Variants in ACTN2 observed in about 807,000 individuals in gnomAD.
ACTN2 encodes the protein alpha-actinin-2.
Under a neutral mutation model 113.8 loss-of-function variants are expected in ACTN2, and 39 were observed. That is an observed-to-expected ratio of 0.34 (90% CI 0.27 to 0.45). The LOEUF (loss-of-function observed/expected upper bound fraction) is 0.45, where lower values mean the gene tolerates loss of function less well. ACTN2 is among the 20% of genes least tolerant of loss of function. The pLI is 1.00. For missense variants in ACTN2, 992 were observed against 1,177.9 expected, an observed-to-expected ratio of 0.84 and a Z score of 2.31; for synonymous variants, 429 against 444.1, an observed-to-expected ratio of 0.97 and a Z score of 0.43.
chr1:236,761,294 C>T, intron 20 of ACTN2, 121 bp downstream of exon 20: 1 of 1,188,782 alleles, frequency 8.4e-7, no homozygotes, highest in Non-Finnish European at 1.2e-6. Flanking sequence ...ACAACATTGG[C>T]ACTGATTTCA....
At chr1:236,693,572 G>C (rs1041741649) in intron 1 of ACTN2, among the ~76,000 whole-genome samples, 3 of 152,140 alleles carry the variant, frequency 2.0e-5, no homozygotes, top group African/African-American at 7.2e-5. Flanking sequence ...AGAAACCCGA[G>C]TGTTACCCTT....
chr1:236,709,276 ATATG>A (rs1201644794), intron 1 of ACTN2, among the ~76,000 whole-genome samples: 1 of 139,072 alleles, frequency 7.2e-6, no homozygotes, highest in African/African-American at 2.7e-5. Flanking sequence ...ACACACATAT[ATATG>A]TATATATATG....
At chr1:236,743,765 C>T (rs1659143462) in intron 11 of ACTN2, among the ~76,000 whole-genome samples, 1 of 152,106 alleles carries the variant, frequency 6.6e-6, no homozygotes, top group Admixed American at 6.6e-5. Context: ...GAAGCTGGAG[C>T]CAGGTGGGTT....
chr1:236,739,586 C>G, intron 10 of ACTN2, 54 bp downstream of exon 10: 2 of 1,591,042 alleles, frequency 1.3e-6, no homozygotes, highest in Admixed American at 3.6e-5. Context: ...TCCTTCTAGC[C>G]TAAAGGCGTT....
chr1:236,748,523 C>T (rs79593510), intron 13 of ACTN2, among the ~76,000 whole-genome samples: 4,568 of 152,266 alleles, frequency 0.03, 91 homozygotes, highest in Middle Eastern at 0.054. Context: ...ATGCCTTCCC[C>T]TTCTGCCCCC....
intron 11 of ACTN2, 152 bp downstream of exon 11, chr1:236,743,195 T>A (rs919414198): frequency 1.0e-6 from 1 of 978,460 alleles, no homozygotes; most frequent in African/African-American, 1.6e-5. Flanking sequence ...AGTGCCAAAT[T>A]TATTTAAGAG....
rs140714394 is a variant in ACTN2 at position 236,735,076 on chromosome 1, T to C, written c.698-559T>C. ...ATTTCTATAAGCGGTATGGTAAGTA[T>C]GTATTGAAGTTATTAAAAGAGCTGC... On this transcript the variant is annotated intron_variant, in intron 7 of 20. Transcript: ENST00000366578. Among the ~76,000 whole-genome samples the C allele has an allele frequency of 4.8e-3, 734 of 152,338 alleles. 5 individuals are homozygous for C. The highest frequency in any genetic ancestry group is 5.7e-3 in the Non-Finnish European group (389 of 68,030).
intron 9 of ACTN2, among the ~76,000 whole-genome samples, chr1:236,737,532 C>T (rs888931907): frequency 1.8e-4 from 24 of 130,670 alleles, no homozygotes; most frequent in East Asian, 1.8e-3. Flanking sequence ...CACCCCTAGA[C>T]GACCTTGGGT....
Position 236,760,667 on chromosome 1 carries a change from C to T in ACTN2, c.2368-348C>T, listed in dbSNP as rs528595951. 8.5e-5 allele frequency among the ~76,000 whole-genome samples: 13 copies of T among 152,316 alleles called. No individual in the cohort carries two copies. In the South Asian group the frequency reaches 2.3e-3, roughly 27 times the overall value. On this transcript the variant is annotated intron_variant, in intron 19 of 20. Coordinates refer to ENST00000366578, the MANE Select transcript of ACTN2 (RefSeq NM_001103.4). ...TGAGCTGCCTTCAGTTTGGCAGCAT[C>T]GCTTTCCTAGTTGTAATCTGAGGAA... is the stretch of plus-strand genomic sequence containing the variant.
chr1:236,718,012 T>G, intron 2 of ACTN2, 40 bp downstream of exon 2: 2 of 1,466,576 alleles, frequency 1.4e-6, no homozygotes, highest in Non-Finnish European at 1.9e-6. Context: ...TCATGTGTTA[T>G]CAGTAGGTGA....
chr1:236,727,768 T>G lies in ACTN2; in HGVS notation c.615+12T>G. The G allele has an allele frequency of 1.2e-6, 2 of 1,613,436 alleles. No individual in the cohort carries two copies. The highest frequency in any genetic ancestry group is 1.7e-6 in the Non-Finnish European group (2 of 1,179,796). ...CAAAGCTTAACAAGGTTATTCTGGG[T>G]GGCCTGGCATGCAGTGTCCCCAGCC... On this transcript the variant is annotated intron_variant, in intron 6 of 20. Transcript: ENST00000366578.
At chr1:236,730,146 C>T (rs148365435) in intron 6 of ACTN2, among the ~76,000 whole-genome samples, 26 of 152,244 alleles carry the variant, frequency 1.7e-4, no homozygotes, top group African/African-American at 5.8e-4. Flanking sequence ...GCCACATGGC[C>T]GATAGCTGAG....
chr1:236,760,202 C>T (rs941736569), intron 19 of ACTN2, among the ~76,000 whole-genome samples: 9 of 151,544 alleles, frequency 5.9e-5, no homozygotes, highest in Non-Finnish European at 8.8e-5. Context: ...GCTGAGATTG[C>T]ACCACTGCAC....
At position 236,719,484 on chromosome 1, in the gene ACTN2, T is replaced by C. The variant is rs537247590; in HGVS notation, c.361+471T>C. Among the ~76,000 whole-genome samples the C allele has an allele frequency of 2.7e-4, 41 of 152,336 alleles. 1 individual carries two copies. Among genetic ancestry groups the C allele is most frequent in the Admixed American group, 2.1e-3 (32 of 15,302 alleles). On this transcript the variant is annotated intron_variant, in intron 3 of 20. Transcript: ENST00000366578. ...TAAAGATGAGACTGTGTTCTCTTTA[T>C]TTGATTATTTAAAACTTTAGCTCAT...
At chr1:236,757,812 A>G (rs1469899803) in intron 18 of ACTN2, among the ~76,000 whole-genome samples, 180 bp downstream of exon 18, 3 of 152,256 alleles carry the variant, frequency 2.0e-5, no homozygotes, top group African/African-American at 7.2e-5. Context: ...ATGTTGCTCA[A>G]GGTGACACAA....
intron 1 of ACTN2, among the ~76,000 whole-genome samples, chr1:236,712,228 G>A (rs758511948): frequency 2.0e-5 from 3 of 152,120 alleles, no homozygotes; most frequent in Non-Finnish European, 4.4e-5. Flanking sequence ...GGGGTGATAG[G>A]GGATGCGTAG....
chr1:236,727,294 C>T (rs1191679062), intron 5 of ACTN2, among the ~76,000 whole-genome samples: 1 of 152,138 alleles, frequency 6.6e-6, no homozygotes, highest in Non-Finnish European at 1.5e-5. Context: ...GCAGGGTAGA[C>T]GTCCTTGTGT....
rs1659791457 is a variant in ACTN2 at position 236,764,510 on chromosome 1, T to A, written c.*1891T>A. 6.6e-6 allele frequency: 1 copy of A among 152,162 alleles called. No individual in the cohort carries two copies. The highest frequency in any genetic ancestry group is 2.4e-5 in the African/African-American group (1 of 41,442). 9.4% of individuals were successfully genotyped at this position (152,162 alleles called of 1,614,324 possible). ...ATAAATGAAGAAAGGAAGTAAACTCTGAAAAATAATAAACATGTTTATACT... is the reference window on the plus strand; with the variant it reads ...ATAAATGAAGAAAGGAAGTAAACTCAGAAAAATAATAAACATGTTTATACT... On this transcript the variant is annotated 3_prime_UTR_variant, in exon 21 of 21. Transcript: ENST00000366578.
chr1:236,736,442 C>G, intron 8 of ACTN2: 1 of 649,184 alleles, frequency 1.5e-6, no homozygotes, highest in Non-Finnish European at 2.6e-6. Flanking sequence ...GTTAGGCAAG[C>G]TTCTCTTGTT....
Sources: gnomAD v4.1 joint callset for allele counts (sites outside exome capture counted in the v4.1 genomes callset) on GRCh38, gnomAD v4.1.1 for gene constraint, MANE v1.5 for transcripts, NCBI Gene and HGNC (gene_info 2026-07-23, HGNC 2026-07-21) for gene names.